The following CD6 variants were observed in gnomAD, a reference collection of about 807,000 sequenced individuals.
CD6 encodes the protein CD6 molecule, also known as T-cell differentiation antigen CD6.
Under a neutral mutation model 75.3 loss-of-function variants are expected in CD6, and 53 were observed. That is an observed-to-expected ratio of 0.70 (90% CI 0.56 to 0.88). The LOEUF (loss-of-function observed/expected upper bound fraction) is 0.88. Among genes scored for constraint, CD6 ranks in the 40% least tolerant of loss-of-function variants. The probability of loss-of-function intolerance (pLI) is 0.00; values close to 1 mark genes in which losing one functional copy is unlikely to be tolerated. For synonymous variants in CD6, 359 were observed against 381.5 expected, an observed-to-expected ratio of 0.94 and a Z score of 0.69; for missense variants, 770 against 897.1, an observed-to-expected ratio of 0.86 and a Z score of 1.81.
rs1254768064 is a variant in CD6 at position 61,007,206 on chromosome 11, A to G, written c.119-354A>G. ...TTCAGGGGAAGCATGCGCCCACTGG[A>G]CCAGGGCCCCTGAACTCACAACTCT... On this transcript the variant is annotated intron_variant, in intron 2 of 12. Coordinates refer to ENST00000313421, the MANE Select transcript of CD6 (RefSeq NM_006725.5). The surrounding 1 kb of genome is among the most constrained non-coding windows in gnomAD (Gnocchi z 4.2). 6.6e-6 allele frequency among the ~76,000 whole-genome samples: 1 copy of G among 152,116 alleles called. No individual in the cohort carries two copies. Among genetic ancestry groups the G allele is most frequent in the East Asian group, 1.9e-4 (1 of 5,172 alleles).
At chr11:60,986,882 C>G (rs529283483) in intron 1 of CD6, among the ~76,000 whole-genome samples, 39 of 152,318 alleles carry the variant, frequency 2.6e-4, no homozygotes, top group Admixed American at 2.5e-3. Context: ...AATCCCTGCA[C>G]TTTGGGAGGC....
chr11:61,013,201 A>G (rs141655007), intron 6 of CD6, among the ~76,000 whole-genome samples: 16 of 152,364 alleles, frequency 1.1e-4, no homozygotes, highest in African/African-American at 3.4e-4. Context: ...GTTCTATTTC[A>G]GGCAGTAATT....
At chr11:60,996,629 G>A (rs1858311015) in intron 1 of CD6, among the ~76,000 whole-genome samples, 1 of 152,226 alleles carries the variant, frequency 6.6e-6, no homozygotes, top group African/African-American at 2.4e-5. Context: ...ATGCACGGTG[G>A]TCTGCAGGTT....
intron 1 of CD6, among the ~76,000 whole-genome samples, chr11:60,973,523 A>G (rs1305653402): frequency 6.6e-6 from 1 of 152,244 alleles, no homozygotes; most frequent in East Asian, 1.9e-4. Context: ...CATCACTATT[A>G]TAAGTGGAAA....
chr11:61,002,954 C>CTCTTTTCTTTTCTTTTCTTT lies in CD6; in HGVS notation c.50-3613_50-3594dup, dbSNP rs10657791. On this transcript the variant is annotated intron_variant, in intron 1 of 12. Coordinates refer to ENST00000313421, the MANE Select transcript of CD6 (RefSeq NM_006725.5). ...GGCAGACTCCTCATGACCTAATCAA[C>CTCTTTTCTTTTCTTTTCTTT]TCTTTTCTTTTCTTTTCTTTTCTTT... Among the ~76,000 whole-genome samples, 1,198 of 151,112 alleles carry CTCTTTTCTTTTCTTTTCTTT rather than the reference C, an allele frequency of 7.9e-3. 4 individuals carry two copies. Among genetic ancestry groups the CTCTTTTCTTTTCTTTTCTTT allele is most frequent in the South Asian group, 0.011 (54 of 4,724 alleles).
At chr11:60,990,628 A>G (rs542118771) in intron 1 of CD6, among the ~76,000 whole-genome samples, 25 of 152,254 alleles carry the variant, frequency 1.6e-4, no homozygotes, top group African/African-American at 5.5e-4. Flanking sequence ...AAAGAAAACC[A>G]TACAGATACT....
chr11:61,003,188 C>T (rs1463643781), intron 1 of CD6, among the ~76,000 whole-genome samples: 1 of 152,160 alleles, frequency 6.6e-6, no homozygotes, highest in Non-Finnish European at 1.5e-5. Context: ...TGGTCTCGGA[C>T]TCCTGACCTC....
At chr11:60,993,790 A>AT (rs2135087647) in intron 1 of CD6, among the ~76,000 whole-genome samples, 1 of 152,148 alleles carries the variant, frequency 6.6e-6, no homozygotes, top group African/African-American at 2.4e-5. Context: ...CATCTCCCTC[A>AT]TATCATACCT....
At chr11:60,986,459 GGT>G (rs1454215820) in intron 1 of CD6, among the ~76,000 whole-genome samples, 1 of 152,172 alleles carries the variant, frequency 6.6e-6, no homozygotes, top group Non-Finnish European at 1.5e-5. Context: ...AGGTAAAATG[GGT>G]GTGGCCATGT....
intron 7 of CD6, 129 bp downstream of exon 7, chr11:61,013,692 A>G (rs982134320): frequency 3.5e-5 from 38 of 1,074,034 alleles, no homozygotes; most frequent in Non-Finnish European, 4.8e-5. Context: ...CAAGGTGGAA[A>G]GGATTTTCCC....
In CD6 at chr11:60,996,589, C is replaced by T. The variant is rs549565596; in HGVS notation, c.50-9985C>T. Reference sequence around the variant, plus strand: ...TCACGTAGCATTTGTCATCACTGCTCGGGACAAAAGGCCAGTCTTCATACA... The same window carrying T: ...TCACGTAGCATTTGTCATCACTGCTTGGGACAAAAGGCCAGTCTTCATACA... On this transcript the variant is annotated intron_variant, in intron 1 of 12. Coordinates refer to ENST00000313421, the MANE Select transcript of CD6 (RefSeq NM_006725.5). Among the ~76,000 whole-genome samples, 22 of 152,318 alleles carry T rather than the reference C, an allele frequency of 1.4e-4. No individual in the cohort carries two copies. The South Asian group carries it at 3.9e-3, about 27-fold the overall frequency.
At chr11:61,014,315 C>T (rs1859300039) in intron 8 of CD6, among the ~76,000 whole-genome samples, 1 of 152,250 alleles carries the variant, frequency 6.6e-6, no homozygotes, top group Admixed American at 6.5e-5. Flanking sequence ...CTTTGCTCTG[C>T]TAGTTGGCTA....
intron 1 of CD6, among the ~76,000 whole-genome samples, chr11:60,972,127 T>C (rs1857206571): frequency 6.6e-6 from 1 of 151,772 alleles, no homozygotes; most frequent in Non-Finnish European, 1.5e-5. Context: ...CCTCCTGGAG[T>C]GACAGAATGT....
intron 1 of CD6, among the ~76,000 whole-genome samples, chr11:60,994,395 C>T (rs1274516360): frequency 2.1e-5 from 3 of 141,310 alleles, no homozygotes; most frequent in Non-Finnish European, 3.0e-5. Context: ...AAGCCGAGAT[C>T]GTGCCACTGC....
At chr11:60,981,418 G>T (rs1368707163) in intron 1 of CD6, among the ~76,000 whole-genome samples, 1 of 152,202 alleles carries the variant, frequency 6.6e-6, no homozygotes, top group Admixed American at 6.5e-5. Context: ...TGCAGGAAAG[G>T]TCCGCCCTTC....
intron 1 of CD6, among the ~76,000 whole-genome samples, chr11:60,973,610 G>A (rs769009792): frequency 2.0e-5 from 3 of 152,128 alleles, no homozygotes; most frequent in African/African-American, 2.4e-5. Context: ...TTTCTATTAC[G>A]CTTTAGCAAA....
Position 60,982,204 on chromosome 11 carries a change from T to C in CD6, c.49+10290T>C, listed in dbSNP as rs533819445. 5.2e-5 allele frequency among the ~76,000 whole-genome samples: 6 copies of C among 114,894 alleles called. No individual in the cohort carries two copies. In the East Asian group the frequency reaches 1.4e-3, roughly 26 times the overall value. The allele number at this position is 114,894 out of a possible 152,430, so 75.4% of individuals were successfully genotyped here. The stretch of plus-strand genomic sequence containing the variant: ...GACGAGGGGCCTTGGGGCTAGGGGC[T>C]TCTTGGGGGTCCCATCTGAGGACCT... On this transcript the variant is annotated intron_variant, in intron 1 of 12. Coordinates refer to ENST00000313421, the MANE Select transcript of CD6 (RefSeq NM_006725.5).
chr11:61,001,183 C>CTGA (rs1483932312), intron 1 of CD6, among the ~76,000 whole-genome samples: 1 of 147,644 alleles, frequency 6.8e-6, no homozygotes, highest in Non-Finnish European at 1.5e-5. Context: ...ATCAGATAGT[C>CTGA]TGATGATGAT....
chr11:61,014,024 C>T lies in CD6; in HGVS notation c.1387+10C>T. ...ACCATCCCCAAAGAAGGTAGGATGT[C>T]CCCCATCCTGGGTGTGGGAGGGCTG... On this transcript the variant is annotated intron_variant, in intron 8 of 12. Coordinates refer to ENST00000313421, the MANE Select transcript of CD6 (RefSeq NM_006725.5). The T allele has an allele frequency of 6.3e-7, 1 of 1,598,542 alleles. No homozygotes were observed. The highest frequency in any genetic ancestry group is 8.6e-7 in the Non-Finnish European group (1 of 1,168,342).
Sources: gnomAD v4.1 joint callset for allele counts (sites outside exome capture counted in the v4.1 genomes callset) on GRCh38, gnomAD v4.1.1 for gene constraint, Gnocchi (gnomAD v3.1) non-coding constraint, MANE v1.5 for transcripts, NCBI Gene and HGNC (gene_info 2026-07-23, HGNC 2026-07-21) for gene names.